Variants in TJP2 observed in about 807,000 individuals in gnomAD.
TJP2 encodes the protein Friedreich ataxia region gene X104 (tight junction protein ZO-2).
TJP2 carries 91 observed loss-of-function variants against 133.1 expected under a neutral mutation model. That is an observed-to-expected ratio of 0.68 (90% CI 0.58 to 0.81). TJP2 has a LOEUF of 0.81. Ranked by LOEUF, TJP2 falls within the 40% of genes least tolerant of loss-of-function variation. The pLI is 0.00. For missense variants in TJP2, 1,541 were observed against 1,565.6 expected, an observed-to-expected ratio of 0.98 and a Z score of 0.26; for synonymous variants, 592 against 583.4, an observed-to-expected ratio of 1.01 and a Z score of -0.21.
At chr9:69,212,711 G>T (rs1383487196) in intron 2 of TJP2, 110 bp downstream of exon 2, 6 of 804,848 alleles carry the variant, frequency 7.5e-6, no homozygotes, top group East Asian at 2.5e-5. Context: ...TTCCCTTGAG[G>T]TACATAATGT....
At chr9:69,193,775 CCA>C (rs1472756509) in intron 1 of TJP2, among the ~76,000 whole-genome samples, 1 of 151,058 alleles carries the variant, frequency 6.6e-6, no homozygotes, top group Non-Finnish European at 1.5e-5. Flanking sequence ...GGCTTTGGCT[CCA>C]CATTTGATAC....
rs527402307 is a variant in TJP2, at chr9:69,250,713, G to A, written c.2992-322G>A. On this transcript the variant is annotated intron_variant, in intron 20 of 22. Coordinates refer to ENST00000377245, the MANE Select transcript of TJP2 (RefSeq NM_004817.4). ...AGTCCCAAAGCCTGAATTGTTCTGA[G>A]ATCTTCTCCAAGATGCTGATCTCCT... Among the ~76,000 whole-genome samples the A allele has an allele frequency of 5.9e-5, 9 of 152,280 alleles. No homozygotes were observed. In the South Asian group the frequency reaches 1.9e-3, roughly 32 times the overall value.
At chr9:69,202,013 A>G (rs973493738) in intron 1 of TJP2, among the ~76,000 whole-genome samples, 4 of 152,180 alleles carry the variant, frequency 2.6e-5, no homozygotes, top group African/African-American at 9.7e-5. Context: ...TGCAAGATGA[A>G]GAGTTCTTGA....
chr9:69,167,778 G>C (rs1414320127), intron 2 of TJP2, among the ~76,000 whole-genome samples: 1 of 151,002 alleles, frequency 6.6e-6, no homozygotes, highest in East Asian at 1.9e-4. Context: ...TAAGGCACGA[G>C]AATTGCTTGG....
chr9:69,223,101 G>A (rs1829032520), intron 5 of TJP2, among the ~76,000 whole-genome samples: 1 of 143,576 alleles, frequency 7.0e-6, no homozygotes. Flanking sequence ...AGAAACCATG[G>A]GGTGGGCCCT....
chr9:69,239,844 T>C, intron 16 of TJP2, 93 bp from the exon 17 acceptor site: 1 of 1,020,384 alleles, frequency 9.8e-7, no homozygotes, highest in Non-Finnish European at 1.5e-6. Flanking sequence ...AAACAAGATA[T>C]ATCTCATACA....
intron 1 of TJP2, among the ~76,000 whole-genome samples, chr9:69,181,245 T>C (rs10217656): frequency 0.018 from 1,148 of 62,752 alleles, 20 homozygotes; most frequent in African/African-American, 0.055. Flanking sequence ...AATTTCTTTT[T>C]TTTTTTTTTT....
upstream of TJP2, among the ~76,000 whole-genome samples, chr9:69,172,786 TG>T (rs769136867): frequency 6.6e-6 from 1 of 152,192 alleles, no homozygotes; most frequent in Non-Finnish European, 1.5e-5. Context: ...TTGCCCAGAC[TG>T]GTCTCAAACT....
intron 20 of TJP2, among the ~76,000 whole-genome samples, chr9:69,250,668 C>T (rs984135215): frequency 2.6e-5 from 4 of 152,170 alleles, no homozygotes; most frequent in Admixed American, 6.5e-5. Context: ...GCAGCAGTGA[C>T]CTCAGAAGCC....
chr9:69,215,535 C>A (rs2309427), intron 2 of TJP2, among the ~76,000 whole-genome samples: 1 of 151,640 alleles, frequency 6.6e-6, no homozygotes. Context: ...TGGATGTGCA[C>A]CACCATGACC....
At chr9:69,135,140 A>G (rs1267641575) in intron 1 of TJP2, among the ~76,000 whole-genome samples, 1 of 152,144 alleles carries the variant, frequency 6.6e-6, no homozygotes, top group Non-Finnish European at 1.5e-5. Flanking sequence ...GCTTCAACAT[A>G]TGAATTTTGG....
chr9:69,122,725 T>C (rs1564362738), intron 1 of TJP2, among the ~76,000 whole-genome samples: 1 of 152,162 alleles, frequency 6.6e-6, no homozygotes, highest in Admixed American at 6.5e-5. Context: ...CAACTGAGTA[T>C]CTCAACTATC....
chr9:69,187,734 T>A (rs1476637865), intron 1 of TJP2, among the ~76,000 whole-genome samples: 3 of 151,784 alleles, frequency 2.0e-5, no homozygotes, highest in Admixed American at 2.0e-4. Flanking sequence ...CATTAGGGGG[T>A]GTTGATTGTG....
chr9:69,226,519 G>C (rs1829362508), intron 7 of TJP2, among the ~76,000 whole-genome samples: 1 of 151,672 alleles, frequency 6.6e-6, no homozygotes, highest in Admixed American at 6.6e-5. Context: ...TTTTTTTTGA[G>C]ACAGAGTTTC....
At chr9:69,186,123 T>G (rs770003417) in intron 1 of TJP2, among the ~76,000 whole-genome samples, 6 of 152,212 alleles carry the variant, frequency 3.9e-5, no homozygotes, top group African/African-American at 7.2e-5. Context: ...CAACAGCCTG[T>G]CTGTAATGAT....
intron 2 of TJP2, among the ~76,000 whole-genome samples, chr9:69,213,345 GC>G (rs1261426045): frequency 1.3e-5 from 2 of 152,310 alleles, no homozygotes; most frequent in African/African-American, 2.4e-5. Context: ...GCAGGCGTGA[GC>G]CACCGTGCCC....
intron 2 of TJP2, among the ~76,000 whole-genome samples, chr9:69,153,806 A>G (rs1320578571): frequency 1.3e-5 from 2 of 152,162 alleles, no homozygotes; most frequent in Non-Finnish European, 2.9e-5. Context: ...CCTTTCCAAC[A>G]TCAATTTGAT....
intron 2 of TJP2, among the ~76,000 whole-genome samples, chr9:69,214,578 C>G (rs928835151): frequency 6.6e-6 from 1 of 152,124 alleles, no homozygotes; most frequent in Non-Finnish European, 1.5e-5. Flanking sequence ...TCTTTAAAAT[C>G]CAGTTACGGG....
At chr9:69,196,591 C>T (rs949878377) in intron 1 of TJP2, among the ~76,000 whole-genome samples, 5 of 136,986 alleles carry the variant, frequency 3.7e-5, no homozygotes, top group East Asian at 2.4e-4. Context: ...ACAGACTCTA[C>T]GATGTGATCT....
Sources: allele counts gnomAD v4.1 joint callset (sites outside exome capture counted in the v4.1 genomes callset), GRCh38; gene constraint gnomAD v4.1.1; transcripts MANE v1.5; gene names NCBI Gene and HGNC (gene_info 2026-07-23, HGNC 2026-07-21).